Variants in CACNG4 observed in about 807,000 individuals in gnomAD.
CACNG4 encodes voltage-dependent calcium channel gamma-4 subunit.
In CACNG4, 8 loss-of-function variants were observed where a neutral mutation model predicts 22.9. The ratio of observed to expected loss-of-function variants is 0.35; its 90% CI spans 0.21 to 0.63. CACNG4 has a LOEUF of 0.63. CACNG4 is among the 30% of genes least tolerant of loss of function. CACNG4 has a pLI of 0.72. For synonymous variants in CACNG4, 188 were observed against 191.9 expected (o/e 0.98, Z 0.17); for missense variants, 357 against 455.4 (o/e 0.78, Z 1.97).
intron 1 of CACNG4, among the ~76,000 whole-genome samples, chr17:66,986,264 C>T (rs1303119848): frequency 6.6e-6 from 1 of 152,212 alleles, no homozygotes; most frequent in Middle Eastern, 3.2e-3. Flanking sequence ...CTGGCCCAGC[C>T]GTGTGGGTTG....
chr17:66,998,043 T>C (rs2143320226), intron 1 of CACNG4, among the ~76,000 whole-genome samples: 2 of 152,198 alleles, frequency 1.3e-5, no homozygotes, highest in Admixed American at 1.3e-4. Context: ...TGAGAAGAAC[T>C]GCAAAGCTCA....
At chr17:67,021,200 T>TA (rs35981016) in intron 2 of CACNG4, among the ~76,000 whole-genome samples, 2,217 of 141,930 alleles carry the variant, frequency 0.016, 43 homozygotes, top group Admixed American at 0.064. Context: ...GACCCCATCT[T>TA]AAAAAAAAAA....
In CACNG4 at chr17:67,031,346, G is replaced by A. The variant is rs1330301663; in HGVS notation, c.*342G>A. 2.2e-5 allele frequency: 11 copies of A among 509,182 alleles called. No individual in the cohort carries two copies. The highest frequency in any genetic ancestry group is 3.0e-4 in the Middle Eastern group (1 of 3,364). The allele number at this position is 509,182 out of a possible 1,614,324, so 31.5% of individuals were successfully genotyped here. ...AAAATTGAGCCATTATCTCCTCTTG[G>A]AAACGAATCTTGCCAGAAAAACGGG... On this transcript the variant is annotated 3_prime_UTR_variant, in exon 4 of 4. Coordinates refer to ENST00000262138, the MANE Select transcript of CACNG4 (RefSeq NM_014405.4). The surrounding 1 kb of genome is among the most constrained non-coding windows in gnomAD (Gnocchi z 4.0).
chr17:66,972,432 C>A (rs1351704108), intron 1 of CACNG4, among the ~76,000 whole-genome samples: 1 of 152,186 alleles, frequency 6.6e-6, no homozygotes, highest in East Asian at 1.9e-4. Context: ...CGCACTGGAA[C>A]CAGTAGCGCT....
At chr17:67,021,252 A>G (rs2035530127) in intron 2 of CACNG4, among the ~76,000 whole-genome samples, 1 of 149,390 alleles carries the variant, frequency 6.7e-6, no homozygotes, top group South Asian at 2.1e-4. Context: ...GCACTGTATT[A>G]GACATGTGGA....
At chr17:66,979,956 A>G (rs867443118) in intron 1 of CACNG4, among the ~76,000 whole-genome samples, 3 of 151,846 alleles carry the variant, frequency 2.0e-5, no homozygotes, top group South Asian at 2.1e-4. Context: ...GGGTTTCACC[A>G]TGTTAGCCAG....
chr17:67,020,532 A>G (rs2035525622), intron 2 of CACNG4, among the ~76,000 whole-genome samples: 2 of 152,188 alleles, frequency 1.3e-5, no homozygotes, highest in African/African-American at 4.8e-5. Flanking sequence ...CTGCTGGCAG[A>G]AGTCAGGGCG....
intron 1 of CACNG4, among the ~76,000 whole-genome samples, chr17:66,965,698 G>C (rs1336318211): frequency 6.6e-6 from 1 of 151,298 alleles, no homozygotes; most frequent in Non-Finnish European, 1.5e-5. Flanking sequence ...GCTGAGGGGT[G>C]GGGGCAGAAG....
At chr17:67,022,726 T>A (rs2035539461) in intron 2 of CACNG4, among the ~76,000 whole-genome samples, 1 of 152,122 alleles carries the variant, frequency 6.6e-6, no homozygotes, top group South Asian at 2.1e-4. Flanking sequence ...CCACCAAGGG[T>A]CCATGCAGCC....
intron 1 of CACNG4, among the ~76,000 whole-genome samples, chr17:67,016,356 C>G (rs779611925): frequency 2.6e-5 from 4 of 152,104 alleles, no homozygotes; most frequent in Non-Finnish European, 4.4e-5. Flanking sequence ...CCGCTGGCCC[C>G]CAGGGCCCAT....
rs1299632756 is a variant in CACNG4 at position 66,972,955 on chromosome 17, A to C, written c.220+7824A>C. 4.7e-5 allele frequency among the ~76,000 whole-genome samples: 7 copies of C among 149,278 alleles called. No individual in the cohort carries two copies. The East Asian group carries it at 1.0e-3, about 21-fold the overall frequency. On this transcript the variant is annotated intron_variant, in intron 1 of 3. Coordinates refer to ENST00000262138, the MANE Select transcript of CACNG4 (RefSeq NM_014405.4). ...ACAAAAACAAAAACAAACAAACAAA[A>C]AAAACAGAGGCCAGGTGCAGTGGCT...
At position 66,965,833 on chromosome 17, in the gene CACNG4, C is replaced by G. The variant is rs562992785; in HGVS notation, c.220+702C>G. The stretch of plus-strand genomic sequence containing the variant: ...CTCGTCTCCCACGGAGTCACCGGCC[C>G]GCTCCTCGCTGTGCGGTGGGGTGGT... On this transcript the variant is annotated intron_variant, in intron 1 of 3. Transcript: ENST00000262138. 1.4e-4 allele frequency among the ~76,000 whole-genome samples: 22 copies of G among 152,252 alleles called. No homozygotes were observed. The South Asian group carries it at 3.7e-3, about 26-fold the overall frequency.
rs78886497 is a variant in CACNG4 at position 67,032,534 on chromosome 17, C to T, written c.*1530C>T. Reference sequence around the variant, plus strand: ...ACAGCCCATGGGTGGACTCGGCCCCCTGGGGTTCAGACCCAGGTCCGTTCG... The same window carrying T: ...ACAGCCCATGGGTGGACTCGGCCCCTTGGGGTTCAGACCCAGGTCCGTTCG... On this transcript the variant is annotated 3_prime_UTR_variant, in exon 4 of 4. Coordinates refer to ENST00000262138, the MANE Select transcript of CACNG4 (RefSeq NM_014405.4). The T allele has an allele frequency of 7.0e-3, 1,123 of 160,772 alleles. 16 individuals are homozygous for T. Among genetic ancestry groups the T allele is most frequent in the African/African-American group, 0.026 (1,063 of 41,620 alleles). The allele number at this position is 160,772 out of a possible 1,614,324, so 10.0% of individuals were successfully genotyped here. A position where few individuals can be genotyped will look rare whatever the true frequency, so the allele number is the denominator to read the frequency against.
chr17:66,985,700 G>A (rs2035301478), intron 1 of CACNG4, among the ~76,000 whole-genome samples: 1 of 152,226 alleles, frequency 6.6e-6, no homozygotes, highest in African/African-American at 2.4e-5. Flanking sequence ...GCACCCAGAT[G>A]AAAAGTAGAA....
intron 1 of CACNG4, among the ~76,000 whole-genome samples, chr17:67,004,794 G>A (rs949726616): frequency 6.6e-6 from 1 of 152,168 alleles, no homozygotes; most frequent in Non-Finnish European, 1.5e-5. Flanking sequence ...TATGATCTCA[G>A]CTCACTACAG....
At chr17:67,017,527 GTTGTTGT>G (rs142745549) in intron 1 of CACNG4, among the ~76,000 whole-genome samples, 6,696 of 141,914 alleles carry the variant, frequency 0.047, 334 homozygotes, top group East Asian at 0.24. Flanking sequence ...GTTGTTGTTT[GTTGTTGT>G]TTGAGACAGA....
intron 1 of CACNG4, among the ~76,000 whole-genome samples, chr17:66,967,228 G>T (rs758623489): frequency 3.3e-5 from 5 of 152,230 alleles, no homozygotes; most frequent in Non-Finnish European, 7.3e-5. Context: ...GCCCCAAGCT[G>T]ATCTGGGCAG....
At chr17:66,979,717 G>T (rs933185202) in intron 1 of CACNG4, among the ~76,000 whole-genome samples, 4 of 149,032 alleles carry the variant, frequency 2.7e-5, no homozygotes, top group African/African-American at 9.9e-5. Context: ...ATGCCGATTT[G>T]ACACGGCCGG....
intron 1 of CACNG4, among the ~76,000 whole-genome samples, chr17:67,011,387 C>A (rs2035466993): frequency 6.6e-6 from 1 of 152,172 alleles, no homozygotes; most frequent in African/African-American, 2.4e-5. Context: ...TGAGCTCAGC[C>A]ACAATTTTAG....
Sources: gnomAD v4.1 joint callset for allele counts (sites outside exome capture counted in the v4.1 genomes callset) on GRCh38, gnomAD v4.1.1 for gene constraint, Gnocchi (gnomAD v3.1) non-coding constraint, MANE v1.5 for transcripts, NCBI Gene and HGNC (gene_info 2026-07-23, HGNC 2026-07-21) for gene names.